SNTG2: variants seen among roughly 807,000 people sequenced by gnomAD.
SNTG2 encodes syntrophin gamma 2, also known as gamma-2-syntrophin.
In SNTG2, 74 loss-of-function variants were observed where a neutral mutation model predicts 70.9. The ratio of observed to expected loss-of-function variants is 1.04; its 90% CI spans 0.86 to 1.27. The LOEUF (loss-of-function observed/expected upper bound fraction) is 1.27. SNTG2 is among the 50% of genes most tolerant of loss of function. The probability of loss-of-function intolerance (pLI) is 0.00; values close to 1 mark genes in which losing one functional copy is unlikely to be tolerated. For synonymous variants in SNTG2, 278 were observed against 273.8 expected, an observed-to-expected ratio of 1.02 and a Z score of -0.15; for missense variants, 717 against 690.7, an observed-to-expected ratio of 1.04 and a Z score of -0.43.
rs1274917171 is a variant in SNTG2 at position 1,008,279 on chromosome 2, A to G, written c.72+57211A>G. Among the ~76,000 whole-genome samples, 3 of 152,188 alleles carry G rather than the reference A, an allele frequency of 2.0e-5. No individual in the cohort carries two copies. The East Asian group carries it at 5.8e-4, about 29-fold the overall frequency. On this transcript the variant is annotated intron_variant, in intron 1 of 16. Transcript: ENST00000308624. ...GGGACATTTCGAATGTGTGTTTGTA[A>G]CACTCACCATTTATAAGCAGATTCC...
intron 1 of SNTG2, among the ~76,000 whole-genome samples, chr2:1,044,265 A>G (rs1661603157): frequency 6.6e-6 from 1 of 152,190 alleles, no homozygotes; most frequent in Non-Finnish European, 1.5e-5. Context: ...GTATTCTGAA[A>G]CTTGGCTGAA....
chr2:1,278,204 A>G (rs913875366), intron 14 of SNTG2, among the ~76,000 whole-genome samples: 2 of 152,224 alleles, frequency 1.3e-5, no homozygotes, highest in African/African-American at 4.8e-5. Flanking sequence ...TCATTTTGGG[A>G]CAACTCAATC....
At chr2:1,131,798 A>C (rs182612735) in intron 4 of SNTG2, among the ~76,000 whole-genome samples, 1 of 151,626 alleles carries the variant, frequency 6.6e-6, no homozygotes, top group Non-Finnish European at 1.5e-5. Context: ...ACTACAGGCG[A>C]CGCCACCACG....
intron 11 of SNTG2, among the ~76,000 whole-genome samples, chr2:1,243,009 A>G (rs1572846209): frequency 6.6e-6 from 1 of 152,370 alleles, no homozygotes; most frequent in East Asian, 1.9e-4. Flanking sequence ...TTATTTATGA[A>G]CTGCATATAC....
intron 1 of SNTG2, among the ~76,000 whole-genome samples, chr2:956,275 C>T (rs527968908): frequency 5.5e-4 from 82 of 148,654 alleles, no homozygotes; most frequent in African/African-American, 2.0e-3. Flanking sequence ...CTGCCCTGCC[C>T]CTGCACCTCC....
intron 9 of SNTG2, among the ~76,000 whole-genome samples, chr2:1,220,587 C>T (rs1333460332): frequency 6.6e-6 from 1 of 152,124 alleles, no homozygotes; most frequent in Non-Finnish European, 1.5e-5. Flanking sequence ...GACAGAGCTG[C>T]TGTTTCTTTC....
At chr2:992,765 C>G (rs537225123) in intron 1 of SNTG2, among the ~76,000 whole-genome samples, 1 of 152,306 alleles carries the variant, frequency 6.6e-6, no homozygotes, top group African/African-American at 2.4e-5. Context: ...CACACAGTGG[C>G]CTGTCCAAAT....
At chr2:1,029,629 AC>A (rs1660701055) in intron 1 of SNTG2, among the ~76,000 whole-genome samples, 1 of 152,200 alleles carries the variant, frequency 6.6e-6, no homozygotes, top group Admixed American at 6.5e-5. Flanking sequence ...TGAGAGCATG[AC>A]CTTACACGTT....
chr2:1,159,234 AGT>A (rs66473385), intron 6 of SNTG2: 113,144 of 146,314 alleles, frequency 0.77, 43,956 homozygotes, highest in Non-Finnish European at 0.86. Context: ...GGTGTGTGTG[AGT>A]GTGTGTGTGT....
At chr2:1,005,845 ATATATATAT>A in intron 1 of SNTG2, among the ~76,000 whole-genome samples, 1 of 20,898 alleles carries the variant, frequency 4.8e-5, no homozygotes, top group Admixed American at 6.9e-4. Flanking sequence ...ATATATATAT[ATATATATAT>A]ATATATATAT....
intron 8 of SNTG2, among the ~76,000 whole-genome samples, chr2:1,194,081 T>G (rs1672759693): frequency 6.6e-6 from 1 of 152,250 alleles, no homozygotes; most frequent in Admixed American, 6.5e-5. Context: ...GCCTTTCCTC[T>G]ACCACATTAG....
At chr2:1,221,825 C>G (rs1369354276) in intron 9 of SNTG2, among the ~76,000 whole-genome samples, 2 of 15,932 alleles carry the variant, frequency 1.3e-4, no homozygotes, top group Non-Finnish European at 1.0e-4. Context: ...GTCTCTGTCT[C>G]TCTCTGTCTC....
At chr2:1,193,952 A>G (rs1377758058) in intron 8 of SNTG2, among the ~76,000 whole-genome samples, 4 of 152,230 alleles carry the variant, frequency 2.6e-5, no homozygotes, top group African/African-American at 9.6e-5. Context: ...CAGTGTGGGC[A>G]CACTTAGCTC....
Position 1,031,508 on chromosome 2 carries a change from T to TTA in SNTG2, c.73-51990_73-51989dup, listed in dbSNP as rs1316440220. 1.3e-3 allele frequency among the ~76,000 whole-genome samples: 74 copies of TTA among 57,750 alleles called. 2 individuals are homozygous for TTA. Among genetic ancestry groups the TTA allele is most frequent in the African/African-American group, 6.2e-3 (68 of 10,960 alleles). 37.9% of individuals were successfully genotyped at this position (57,750 alleles called of 152,430 possible). ...GGCTATTTGTATATATAGTTCATTG[T>TTA]TATATATATATATATATATATTTTT... On this transcript the variant is annotated intron_variant, in intron 1 of 16. Transcript: ENST00000308624.
At chr2:1,354,001 A>T (rs1292819527) in intron 16 of SNTG2, 1 of 152,240 alleles carries the variant, frequency 6.6e-6, no homozygotes, top group Non-Finnish European at 1.5e-5. Context: ...TGACAAGCAC[A>T]GGATAGAGCC....
At chr2:1,085,563 C>T (rs1208529095) in intron 2 of SNTG2, among the ~76,000 whole-genome samples, 1 of 152,202 alleles carries the variant, frequency 6.6e-6, no homozygotes, top group Non-Finnish European at 1.5e-5. Context: ...AATAGAACCA[C>T]ATTATCCGTT....
At chr2:1,296,104 T>TACA (rs1315112472) in intron 14 of SNTG2, among the ~76,000 whole-genome samples, 2 of 152,172 alleles carry the variant, frequency 1.3e-5, no homozygotes, top group East Asian at 3.9e-4. Flanking sequence ...TGTAGAAGGC[T>TACA]GAGTCTCCTG....
intron 6 of SNTG2, chr2:1,163,127 G>A (rs1388564572): frequency 6.6e-6 from 1 of 152,206 alleles, no homozygotes; most frequent in Non-Finnish European, 1.5e-5. Flanking sequence ...GGAAGTGAGT[G>A]TGGGAAGCAT....
At chr2:973,541 T>TATA (rs11394509) in intron 1 of SNTG2, among the ~76,000 whole-genome samples, 7 of 116,678 alleles carry the variant, frequency 6.0e-5, no homozygotes, top group African/African-American at 1.6e-4. Context: ...TATATATATA[T>TATA]TTTTTTTTAC....
Sources: gnomAD v4.1 joint callset for allele counts (sites outside exome capture counted in the v4.1 genomes callset) on GRCh38, gnomAD v4.1.1 for gene constraint, MANE v1.5 for transcripts, NCBI Gene and HGNC (gene_info 2026-07-23, HGNC 2026-07-21) for gene names.